The following OTOF variants were observed in gnomAD, a reference collection of about 807,000 sequenced individuals.
The protein encoded by OTOF is otoferlin, also known as fer-1-like family member 2.
A neutral mutation model predicts 236.8 loss-of-function variants in OTOF; 218 were observed. That is an observed-to-expected ratio of 0.92 (90% confidence interval 0.82 to 1.03). The LOEUF (loss-of-function observed/expected upper bound fraction) is 1.03. OTOF is among the 50% of genes least tolerant of loss of function. The pLI is 0.00. For missense variants in OTOF, 2,590 were observed against 2,694.4 expected (o/e 0.96, Z 0.86); for synonymous variants, 1,041 against 1,072.5 (o/e 0.97, Z 0.57).
At chr2:26,499,299 G>A (rs1189382223) in intron 8 of OTOF, among the ~76,000 whole-genome samples, 1 of 151,956 alleles carries the variant, frequency 6.6e-6, no homozygotes, top group African/African-American at 2.4e-5. Context: ...GGTACGCCGC[G>A]GTCCTTTTAC....
chr2:26,486,809 G>C (rs1307491836), intron 11 of OTOF, among the ~76,000 whole-genome samples: 3 of 152,140 alleles, frequency 2.0e-5, no homozygotes, highest in Admixed American at 2.0e-4. Flanking sequence ...TCCTAATACT[G>C]TGTGATCTCA....
Position 26,492,335 on chromosome 2 carries a change from A to G in OTOF, c.898-2595T>C, listed in dbSNP as rs188087493. Among the ~76,000 whole-genome samples, 27 of 152,326 alleles carry G rather than the reference A, an allele frequency of 1.8e-4. No individual in the cohort carries two copies. In the East Asian group the frequency reaches 4.6e-3, roughly 26 times the overall value. On this transcript the variant is annotated intron_variant, in intron 9 of 46. Transcript: ENST00000272371. ...CCACCACAATTATCCAGTCCAAGAT[A>G]CCATAGTGCTGAGTTTGAGAAACCC...
intron 2 of OTOF, among the ~76,000 whole-genome samples, chr2:26,529,249 A>C (rs1186433340): frequency 1.3e-5 from 2 of 152,244 alleles, no homozygotes; most frequent in Non-Finnish European, 2.9e-5. Flanking sequence ...AGACCGTGTC[A>C]GGGAGGATTT....
At chr2:26,476,850 G>A (rs1189654760) in intron 22 of OTOF, 41 bp downstream of exon 22, 1 of 1,589,460 alleles carries the variant, frequency 6.3e-7, no homozygotes, top group Non-Finnish European at 8.5e-7. Context: ...CTGCTCCCCT[G>A]AAAGGACCCA....
rs1456763286 is a variant in OTOF at position 26,470,368 on chromosome 2, G to A, written c.4023+225C>T. Among the ~76,000 whole-genome samples, 1 of 152,076 alleles carries A rather than the reference G, an allele frequency of 6.6e-6. No individual in the cohort carries two copies. The highest frequency in any genetic ancestry group is 2.4e-5 in the African/African-American group (1 of 41,392). ...CGCATATACCCAAGAGGCATTTGTGGAATGAGTCAATGAGGACAAAAGAAA... is the reference window on the plus strand; with the variant it reads ...CGCATATACCCAAGAGGCATTTGTGAAATGAGTCAATGAGGACAAAAGAAA... On this transcript the variant is annotated intron_variant, in intron 32 of 46. Coordinates refer to ENST00000272371, the MANE Select transcript of OTOF (RefSeq NM_194248.3). This position sits in a 1 kb window ranked among gnomAD's most constrained non-coding sequence, Gnocchi z 4.3.
chr2:26,481,019 T>C lies in OTOF; in HGVS notation c.1580-10A>G, dbSNP rs369178398. On this transcript the variant is annotated splice_polypyrimidine_tract_variant and intron_variant, in intron 14 of 46. Coordinates refer to ENST00000272371, the MANE Select transcript of OTOF (RefSeq NM_194248.3). Reference sequence around the variant, plus strand: ...AGTGTGGGCAGGAAGCCTGTGGCAGTGGGAACAAAAATGAGGGGGCAGCGT... The same window carrying C: ...AGTGTGGGCAGGAAGCCTGTGGCAGCGGGAACAAAAATGAGGGGGCAGCGT... 2.0e-5 allele frequency: 32 copies of C among 1,608,046 alleles called. No homozygotes were observed. The highest frequency in any genetic ancestry group is 2.7e-5 in the Non-Finnish European group (32 of 1,175,886).
intron 9 of OTOF, among the ~76,000 whole-genome samples, chr2:26,491,134 A>G (rs1003282787): frequency 2.0e-5 from 3 of 152,150 alleles, no homozygotes; most frequent in Non-Finnish European, 4.4e-5. Flanking sequence ...AGACAGGGGA[A>G]GCAGGAGAGT....
At chr2:26,525,920 C>G (rs1232051750) in intron 3 of OTOF, among the ~76,000 whole-genome samples, 1 of 151,920 alleles carries the variant, frequency 6.6e-6, no homozygotes, top group Non-Finnish European at 1.5e-5. Flanking sequence ...AACCCCATCT[C>G]TACTAAAAAT....
Position 26,472,471 on chromosome 2 carries a change from G to C in OTOF, c.3864+48C>G, listed in dbSNP as rs775965293. ...GTCTGGTTCACAGGATGTGTCACAC[G>C]AAGTTGCATGTTCCCAGCCAGCAGG... On this transcript the variant is annotated intron_variant, in intron 30 of 46. Transcript: ENST00000272371. 6.2e-6 allele frequency: 10 copies of C among 1,611,332 alleles called. No individual in the cohort carries two copies. In the South Asian group the frequency reaches 1.1e-4, roughly 18 times the overall value.
intron 10 of OTOF, 99 bp downstream of exon 10, chr2:26,489,579 C>G: frequency 9.7e-7 from 1 of 1,035,716 alleles, no homozygotes; most frequent in Non-Finnish European, 1.5e-6. Flanking sequence ...GGCGCTGCCT[C>G]TTTATCATGG....
chr2:26,533,375 C>CCG lies in OTOF; in HGVS notation c.138+4339_138+4340dup, dbSNP rs546609505. Among the ~76,000 whole-genome samples the CCG allele has an allele frequency of 7.6e-4, 116 of 152,108 alleles. 1 individual carries two copies. Among genetic ancestry groups the CCG allele is most frequent in the Non-Finnish European group, 1.5e-3 (99 of 68,016 alleles). ...AGCTTAAAGGCCTGGGCTCAGTATC[C>CCG]CGAGTGTGGCTATTTCACTTTCCCA... On this transcript the variant is annotated intron_variant, in intron 2 of 46. Transcript: ENST00000272371.
At position 26,482,223 on chromosome 2, in the gene OTOF, C is replaced by T. The variant is rs563420222; in HGVS notation, c.1579+183G>A. On this transcript the variant is annotated intron_variant, in intron 14 of 46. Coordinates refer to ENST00000272371, the MANE Select transcript of OTOF (RefSeq NM_194248.3). ...AGCTGGGCTCAGGCCAGCTCTGAGCCGACCTGAGCCACAAATCCTCACCCT... is the reference window on the plus strand; with the variant it reads ...AGCTGGGCTCAGGCCAGCTCTGAGCTGACCTGAGCCACAAATCCTCACCCT... Among the ~76,000 whole-genome samples, 13 of 152,196 alleles carry T rather than the reference C, an allele frequency of 8.5e-5. No individual in the cohort carries two copies. The South Asian group carries it at 2.5e-3, about 29-fold the overall frequency.
chr2:26,501,860 G>A, intron 7 of OTOF, 52 bp from the exon 8 acceptor site: 2 of 1,313,470 alleles, frequency 1.5e-6, no homozygotes, highest in Non-Finnish European at 2.2e-6. Flanking sequence ...TGCTTGTTGG[G>A]GAGGAGGACA....
intron 1 of OTOF, among the ~76,000 whole-genome samples, chr2:26,539,526 G>A (rs4665876): frequency 3.5e-4 from 53 of 152,064 alleles, no homozygotes; most frequent in African/African-American, 1.2e-3. Context: ...ACCTGAGGTC[G>A]GGAGTTCGAG....
intron 46 of OTOF, among the ~76,000 whole-genome samples, chr2:26,458,765 A>G (rs186867981): frequency 1.3e-5 from 2 of 152,308 alleles, no homozygotes; most frequent in East Asian, 3.9e-4. Context: ...TTGTGTTATA[A>G]AAACAATAGG....
chr2:26,540,846 A>T (rs1667196304), intron 1 of OTOF, among the ~76,000 whole-genome samples: 1 of 152,218 alleles, frequency 6.6e-6, no homozygotes, highest in East Asian at 1.9e-4. Flanking sequence ...ACATGATGGG[A>T]AAGAAAGAAT....
intron 8 of OTOF, among the ~76,000 whole-genome samples, chr2:26,500,868 C>T (rs1251434910): frequency 2.6e-5 from 4 of 152,152 alleles, no homozygotes; most frequent in African/African-American, 9.7e-5. Flanking sequence ...AGAGATAAAG[C>T]TCTACCCTGG....
chr2:26,479,674 A>G lies in OTOF; in HGVS notation c.1913-21T>C, dbSNP rs74336925. 8.4e-4 allele frequency: 1,351 copies of G among 1,611,484 alleles called. 12 individuals are homozygous for G. The African/African-American group carries it at 0.016, about 19-fold the overall frequency. On this transcript the variant is annotated intron_variant, in intron 16 of 46. Coordinates refer to ENST00000272371, the MANE Select transcript of OTOF (RefSeq NM_194248.3). ...GTTGCCTGGAGCAGAATGGGCCCAG[A>G]AGGCCTAGAGTGCATTCCCCACCAG...
At chr2:26,479,786 T>A in intron 16 of OTOF, 133 bp from the exon 17 acceptor site, 1 of 831,964 alleles carries the variant, frequency 1.2e-6, no homozygotes, top group East Asian at 2.6e-5. Context: ...ACGTGACACA[T>A]CATTAGCCAG....
Sources: gnomAD v4.1 joint callset for allele counts (sites outside exome capture counted in the v4.1 genomes callset) on GRCh38, gnomAD v4.1.1 for gene constraint, Gnocchi (gnomAD v3.1) non-coding constraint, MANE v1.5 for transcripts, NCBI Gene and HGNC (gene_info 2026-07-23, HGNC 2026-07-21) for gene names.